The following PEX5 variants were observed in gnomAD, a reference collection of about 807,000 sequenced individuals.
PEX5 encodes the protein PTS1 receptor.
A neutral mutation model predicts 82.9 loss-of-function variants in PEX5; 52 were observed. The observed-to-expected ratio is 0.63, with a 90% CI of 0.50 to 0.79. PEX5 has a LOEUF of 0.79. Ranked by LOEUF, PEX5 falls within the 30% of genes least tolerant of loss-of-function variation. PEX5 has a pLI of 0.00. For missense variants in PEX5, 719 were observed against 815.2 expected (o/e 0.88, Z 1.44); for synonymous variants, 300 against 318.8 (o/e 0.94, Z 0.63).
chr12:7,206,022 A>C (rs1944716192), intron 10 of PEX5, among the ~76,000 whole-genome samples: 1 of 152,190 alleles, frequency 6.6e-6, no homozygotes. Flanking sequence ...GGCAGGAATT[A>C]CTTTTATTAG....
At chr12:7,194,475 T>C (rs1941740888) in intron 5 of PEX5, among the ~76,000 whole-genome samples, 1 of 152,228 alleles carries the variant, frequency 6.6e-6, no homozygotes, top group Non-Finnish European at 1.5e-5. Flanking sequence ...CATGCCCTTA[T>C]TTGTGTGTGT....
In PEX5 at chr12:7,199,121, C is replaced by T. The variant is rs775578165; in HGVS notation, c.551+8C>T. 1 of 1,499,950 alleles carries T rather than the reference C, an allele frequency of 6.7e-7. No homozygotes were observed. The highest frequency in any genetic ancestry group is 1.8e-5 in the Admixed American group (1 of 56,244). 92.9% of individuals were successfully genotyped at this position (1,499,950 alleles called of 1,614,324 possible). On this transcript the variant is annotated splice_region_variant and intron_variant, in intron 6 of 15. Coordinates refer to ENST00000675855, the MANE Select transcript of PEX5 (RefSeq NM_001351132.2). Reference sequence around the variant, plus strand: ...AACAGCCACCGATCGCTGGTGAGTTCAGATACCTCTTTCCGAATCCCGTGA... The same window carrying T: ...AACAGCCACCGATCGCTGGTGAGTTTAGATACCTCTTTCCGAATCCCGTGA...
At chr12:7,208,900 T>C (rs756985512) in intron 13 of PEX5, 105 bp from the exon 14 acceptor site, 25 of 1,085,290 alleles carry the variant, frequency 2.3e-5, no homozygotes, top group Non-Finnish European at 3.6e-5. Flanking sequence ...GACTGATAGA[T>C]TGATGAATGT....
chr12:7,200,146 G>T (rs1403521546), intron 6 of PEX5, among the ~76,000 whole-genome samples: 1 of 148,018 alleles, frequency 6.8e-6, no homozygotes, highest in African/African-American at 2.5e-5. Context: ...GGCGGCTGCC[G>T]GGCAGAGGGT....
At chr12:7,198,433 A>G (rs1303691091) in intron 5 of PEX5, among the ~76,000 whole-genome samples, 1 of 152,208 alleles carries the variant, frequency 6.6e-6, no homozygotes. Flanking sequence ...TTCAATTAAA[A>G]AATGAAAAAA....
chr12:7,217,234 A>C (rs1945805227), intron 17 of PEX5, among the ~76,000 whole-genome samples: 1 of 152,184 alleles, frequency 6.6e-6, no homozygotes, highest in Admixed American at 6.5e-5. Flanking sequence ...AAGCATTCAG[A>C]GTTTGGTTTG....
chr12:7,193,361 G>A (rs747871139), intron 5 of PEX5, among the ~76,000 whole-genome samples: 22 of 151,702 alleles, frequency 1.5e-4, no homozygotes, highest in African/African-American at 5.3e-4. Context: ...AGCCTCCTGA[G>A]TAGCTGGGAC....
chr12:7,210,007 T>G lies in PEX5; in HGVS notation c.1719-15T>G. 1.9e-6 allele frequency: 3 copies of G among 1,613,908 alleles called. No individual in the cohort carries two copies. Among genetic ancestry groups the G allele is most frequent in the Non-Finnish European group, 2.5e-6 (3 of 1,179,834 alleles). Reference sequence around the variant, plus strand: ...TGTTCAGCTTAACAGCTCTCATTCCTCTTCTTCCTTACAGGGAGGCTGTGG... The same window carrying G: ...TGTTCAGCTTAACAGCTCTCATTCCGCTTCTTCCTTACAGGGAGGCTGTGG... On this transcript the variant is annotated splice_polypyrimidine_tract_variant and intron_variant, in intron 15 of 15. Coordinates refer to ENST00000675855, the MANE Select transcript of PEX5 (RefSeq NM_001351132.2).
intron 2 of PEX5, 104 bp from the exon 3 acceptor site, chr12:7,190,784 C>T (rs1940933126): frequency 8.2e-6 from 11 of 1,333,426 alleles, no homozygotes; most frequent in Non-Finnish European, 1.2e-5. Flanking sequence ...ATAAATGCAA[C>T]CATTTTATAG....
intron 4 of PEX5, 32 bp from the exon 5 acceptor site, chr12:7,191,537 T>G: frequency 6.2e-7 from 1 of 1,613,162 alleles, no homozygotes. Context: ...ATGTATGTAT[T>G]CTTTCTTAGT....
rs759523235 is a variant in PEX5 at position 7,209,049 on chromosome 12, G to A, written c.1439G>A (p.Arg480Gln). Residue 480 changes from arginine to glutamine, a missense_variant, in exon 14 of 16, where the codon CGG becomes CAG. Coordinates refer to ENST00000675855, the MANE Select transcript of PEX5 (RefSeq NM_001351132.2). Reference protein sequence around the residue: ...EVKELFLAAVRLDPTSIDPDV... With the variant: ...EVKELFLAAVQLDPTSIDPDV... ...AAAGAGCTCTTCCTGGCAGCTGTGC[G>A]GCTGGACCCTACCTCCATTGACCCT... 137 of 1,614,066 alleles carry A rather than the reference G, an allele frequency of 8.5e-5. 1 individual carries two copies. In the Admixed American group the frequency reaches 8.7e-4, roughly 10 times the overall value.
chr12:7,207,751 T>C lies in PEX5; in HGVS notation c.1059T>C (p.Asn353=), dbSNP rs775565970. 1.2e-6 allele frequency: 2 copies of C among 1,614,040 alleles called. No homozygotes were observed. The highest frequency in any genetic ancestry group is 1.3e-5 in the African/African-American group (1 of 74,926). The part of the protein sequence containing the change: ...LRRLQEGDLP[N]AVLLFEAAVQ... ...GCCTTCAGGAGGGGGACCTGCCAAA[T>C]GCTGTGCTGCTTTTTGAGGCAGCTG... is the stretch of plus-strand genomic sequence containing the variant. The change falls in exon 11 of 16, where the codon AAT becomes AAC. Residue 353 remains asparagine (N), a synonymous_variant. Transcript: ENST00000675855.
At chr12:7,194,750 G>C (rs1341890101) in intron 5 of PEX5, among the ~76,000 whole-genome samples, 5 of 152,196 alleles carry the variant, frequency 3.3e-5, no homozygotes, top group African/African-American at 1.2e-4. Context: ...AATCGTGAGA[G>C]ATAAACCTGC....
chr12:7,196,347 A>G (rs1343262307), intron 5 of PEX5, among the ~76,000 whole-genome samples: 1 of 136,532 alleles, frequency 7.3e-6, no homozygotes, highest in Non-Finnish European at 1.5e-5. Context: ...TATGTCATAT[A>G]TAATTTAATT....
downstream of PEX5, among the ~76,000 whole-genome samples, chr12:7,211,840 C>G (rs780878683): frequency 2.0e-5 from 3 of 151,818 alleles, no homozygotes; most frequent in Non-Finnish European, 4.4e-5. Flanking sequence ...TTATCGGGAA[C>G]TGTATCAAGT....
At chr12:7,199,174 C>T in intron 6 of PEX5, 61 bp downstream of exon 6, 4 of 888,620 alleles carry the variant, frequency 4.5e-6, no homozygotes, top group Non-Finnish European at 7.3e-6. Context: ...TTCCCAGCCT[C>T]CTCCATCCAC....
At position 7,199,014 on chromosome 12, in the gene PEX5, C is replaced by G. The variant is rs200720523; in HGVS notation, c.452C>G (p.Pro151Arg). 55 of 1,590,782 alleles carry G rather than the reference C, an allele frequency of 3.5e-5. No individual in the cohort carries two copies. In the East Asian group the frequency reaches 8.5e-4, roughly 25 times the overall value. ...CCCACTTCTCTGCTCCTTGCAGACC[C>G]CTTGTCTGTGTCCCCTGCCCGCTGG... The part of the protein sequence containing the change: ...SQEFISEVTD[P>R]LSVSPARWAE... Residue 151 changes from proline to arginine, a missense_variant, in exon 6 of 16, where the codon CCC becomes CGC. Pro to Arg is a moderately radical substitution (Grantham distance 103). Coordinates refer to ENST00000675855, the MANE Select transcript of PEX5 (RefSeq NM_001351132.2).
chr12:7,214,840 CTA>C (rs1339547885), downstream of PEX5, among the ~76,000 whole-genome samples: 3 of 151,846 alleles, frequency 2.0e-5, no homozygotes, highest in Admixed American at 1.3e-4. Context: ...CGGATATAGA[CTA>C]TTACCTATTA....
At chr12:7,196,024 C>CATTATAT (rs376826621) in intron 5 of PEX5, among the ~76,000 whole-genome samples, 35,443 of 66,758 alleles carry the variant, frequency 0.53, 4,902 homozygotes, top group East Asian at 0.65. Context: ...TTACATTATA[C>CATTATAT]ATTATATATT....
Sources: gnomAD v4.1 joint callset for allele counts (sites outside exome capture counted in the v4.1 genomes callset) on GRCh38, gnomAD v4.1.1 for gene constraint, MANE v1.5 for transcripts, NCBI Gene and HGNC (gene_info 2026-07-23, HGNC 2026-07-21) for gene names.